ZDHHC17: variants seen among roughly 807,000 people sequenced by gnomAD.
ZDHHC17 encodes the protein zDHHC palmitoyltransferase 17.
ZDHHC17 carries 40 observed loss-of-function variants against 90.3 expected under a neutral mutation model. The ratio of observed to expected loss-of-function variants is 0.44; its 90% CI spans 0.34 to 0.58. ZDHHC17 has a LOEUF of 0.58. ZDHHC17 is among the 20% of genes least tolerant of loss of function. The pLI is 0.01. For synonymous variants in ZDHHC17, 235 were observed against 252.4 expected (o/e 0.93, Z 0.65); for missense variants, 614 against 780.8 (o/e 0.79, Z 2.55).
At position 76,845,757 on chromosome 12, in the gene ZDHHC17, A is replaced by G. The variant is rs779413350; in HGVS notation, c.1378A>G (p.Ile460Val). 1.9e-6 allele frequency: 3 copies of G among 1,612,292 alleles called. No homozygotes were observed. Among genetic ancestry groups the G allele is most frequent in the Non-Finnish European group, 1.7e-6 (2 of 1,178,828 alleles). The change falls in exon 13 of 17, where the codon ATA (isoleucine) becomes GTA (valine). Residue 460 changes from isoleucine (I) to valine (V), a missense_variant. Transcript: ENST00000426126. ...ACATTGTGGTGTGTGCAACCGCTGT[A>G]TAGCAAAATTTGATCATCATTGCCC... ...SKHCGVCNRC[I>V]AKFDHHCPWV...
chr12:76,789,668 G>T (rs533313072), intron 1 of ZDHHC17, among the ~76,000 whole-genome samples: 94 of 151,950 alleles, frequency 6.2e-4, no homozygotes, highest in African/African-American at 2.2e-3. Context: ...ATAAACATTT[G>T]GGGAAATAAA....
At chr12:76,815,064 A>T in intron 5 of ZDHHC17, 82 bp from the exon 6 acceptor site, 1 of 879,930 alleles carries the variant, frequency 1.1e-6, no homozygotes, top group Non-Finnish European at 1.8e-6. Flanking sequence ...CTCCTTTTAT[A>T]TATAGATTAG....
At chr12:76,822,879 T>C (rs1437648578) in intron 8 of ZDHHC17, among the ~76,000 whole-genome samples, 3 of 152,124 alleles carry the variant, frequency 2.0e-5, no homozygotes, top group South Asian at 2.1e-4. Context: ...ATTTTCGATA[T>C]ATAATTTTTT....
At chr12:76,834,969 G>A (rs928595488) in intron 10 of ZDHHC17, among the ~76,000 whole-genome samples, 2 of 151,626 alleles carry the variant, frequency 1.3e-5, no homozygotes, top group Non-Finnish European at 2.9e-5. Flanking sequence ...TATTTCTCAG[G>A]AATATCTTAG....
chr12:76,770,440 G>A (rs939748450), intron 1 of ZDHHC17, among the ~76,000 whole-genome samples: 1 of 152,120 alleles, frequency 6.6e-6, no homozygotes, highest in Non-Finnish European at 1.5e-5. Flanking sequence ...GCTAGGCTCC[G>A]AAGTAATAAC....
chr12:76,829,528 A>G (rs1269754508), intron 10 of ZDHHC17, among the ~76,000 whole-genome samples: 3 of 151,572 alleles, frequency 2.0e-5, no homozygotes, highest in Non-Finnish European at 4.4e-5. Context: ...TACTTGAGAA[A>G]AATTTAGGCT....
intron 2 of ZDHHC17, among the ~76,000 whole-genome samples, chr12:76,805,016 G>A (rs145211702): frequency 1.8e-4 from 28 of 152,048 alleles, no homozygotes; most frequent in African/African-American, 5.1e-4. Flanking sequence ...TTTACAGTCT[G>A]CCTTAAGAGT....
rs1445427857 is a variant in ZDHHC17 at position 76,815,842 on chromosome 12, T to C, written c.609-15T>C. The C allele has an allele frequency of 3.4e-6, 5 of 1,461,848 alleles. No individual in the cohort carries two copies. In the African/African-American group the frequency reaches 7.2e-5, roughly 21 times the overall value. 90.6% of individuals were successfully genotyped at this position (1,461,848 alleles called of 1,614,324 possible). A position where few individuals can be genotyped will look rare whatever the true frequency, so the allele number is the denominator to read the frequency against. On this transcript the variant is annotated splice_polypyrimidine_tract_variant and intron_variant, in intron 6 of 16. Coordinates refer to ENST00000426126, the MANE Select transcript of ZDHHC17 (RefSeq NM_015336.4). ...GTTGTTGTTGTTGTTTGTTTTTTTT[T>C]TTTTTCCTTTTCAGTGTGGATCCAA...
At chr12:76,800,885 C>CTTTTTTTTT (rs71085458) in intron 2 of ZDHHC17, among the ~76,000 whole-genome samples, 7 of 108,080 alleles carry the variant, frequency 6.5e-5, no homozygotes, top group East Asian at 3.0e-4. Context: ...TTTGCCATTT[C>CTTTTTTTTT]TTTTTTTTTT....
chr12:76,823,995 TA>T (rs200676825), intron 8 of ZDHHC17, among the ~76,000 whole-genome samples: 2 of 151,716 alleles, frequency 1.3e-5, no homozygotes, highest in African/African-American at 2.4e-5. Flanking sequence ...ATTAGGCTAG[TA>T]AAAAAAAATC....
intron 2 of ZDHHC17, among the ~76,000 whole-genome samples, chr12:76,800,563 ATCT>A (rs747299749): frequency 1.7e-4 from 26 of 152,100 alleles, no homozygotes; most frequent in Non-Finnish European, 2.8e-4. Context: ...TAATTGTTGT[ATCT>A]TCTTGCTGCA....
In ZDHHC17 at chr12:76,851,477, G is replaced by A. The variant is rs1408457502; in HGVS notation, c.*492G>A. On this transcript the variant is annotated 3_prime_UTR_variant, in exon 17 of 17. Coordinates refer to ENST00000426126, the MANE Select transcript of ZDHHC17 (RefSeq NM_015336.4). ...ATTTCAGAATGTACACATAAATACT[G>A]TGATGAAAATCATGTGATTGGGATC... The A allele has an allele frequency of 6.5e-6, 1 of 154,920 alleles. No homozygotes were observed. The highest frequency in any genetic ancestry group is 1.4e-5 in the Non-Finnish European group (1 of 69,780). 9.6% of individuals were successfully genotyped at this position (154,920 alleles called of 1,614,324 possible).
chr12:76,815,712 A>G, intron 6 of ZDHHC17, 145 bp from the exon 7 acceptor site: 1 of 687,292 alleles, frequency 1.5e-6, no homozygotes, highest in South Asian at 4.1e-5. Flanking sequence ...TTGTCTCATT[A>G]TTGATTTTAA....
intron 12 of ZDHHC17, chr12:76,845,209 TG>T (rs1306506091): frequency 1.3e-5 from 2 of 152,234 alleles, no homozygotes; most frequent in East Asian, 3.8e-4. Context: ...TTTGTTAATT[TG>T]GGGAAGACAA....
chr12:76,819,886 G>A (rs939199872), intron 7 of ZDHHC17, among the ~76,000 whole-genome samples: 1 of 151,732 alleles, frequency 6.6e-6, no homozygotes, highest in Non-Finnish European at 1.5e-5. Context: ...CCAGCTACTC[G>A]GGAGGCTGAG....
chr12:76,809,227 C>T (rs1174851284), intron 4 of ZDHHC17, 107 bp downstream of exon 4: 5 of 653,204 alleles, frequency 7.7e-6, no homozygotes, highest in African/African-American at 3.8e-5. Flanking sequence ...CTTATTATGC[C>T]GTTAGTTAAT....
chr12:76,825,906 C>T (rs941277957), intron 8 of ZDHHC17, among the ~76,000 whole-genome samples: 1 of 152,070 alleles, frequency 6.6e-6, no homozygotes, highest in Non-Finnish European at 1.5e-5. Context: ...CTTGACTTCC[C>T]TGGGCTCAGG....
intron 11 of ZDHHC17, among the ~76,000 whole-genome samples, chr12:76,842,677 T>C (rs187923238): frequency 6.6e-6 from 1 of 152,324 alleles, no homozygotes; most frequent in East Asian, 1.9e-4. Context: ...CAGTCCACAA[T>C]TGACTAAGAC....
chr12:76,809,068 G>A lies in ZDHHC17; in HGVS notation c.346G>A (p.Val116Met). ...ATACTATATTTCGAAAGGTGCTATT[G>A]TGGATCAACTTGGAGGGGACCTGAA... ...VKYYISKGAI[V>M]DQLGGDLNST... is the part of the protein sequence containing the mutation. The change falls in exon 4 of 17, where the codon GTG becomes ATG. Residue 116 changes from valine to methionine, a missense_variant. Around this residue, in one of 5 missense-constraint regions of ZDHHC17, gnomAD observed 358 missense variants for 380.4 expected, o/e 0.94. Coordinates refer to ENST00000426126, the MANE Select transcript of ZDHHC17 (RefSeq NM_015336.4). The A allele has an allele frequency of 6.4e-7, 1 of 1,567,084 alleles. No homozygotes were observed. The highest frequency in any genetic ancestry group is 8.6e-7 in the Non-Finnish European group (1 of 1,157,662).
Sources: gnomAD v4.1 joint callset for allele counts (sites outside exome capture counted in the v4.1 genomes callset) on GRCh38, gnomAD v4.1.1 for gene constraint, gnomAD v4.1.1 regional missense constraint, MANE v1.5 for transcripts, NCBI Gene and HGNC (gene_info 2026-07-23, HGNC 2026-07-21) for gene names.